Variants in SLC25A21 observed in about 807,000 individuals in gnomAD.
SLC25A21 encodes the protein mitochondrial 2-oxodicarboxylate carrier.
Under a neutral mutation model 43.8 loss-of-function variants are expected in SLC25A21, and 47 were observed. The observed-to-expected ratio is 1.07, with a 90% confidence interval of 0.85 to 1.37. The LOEUF is 1.37. SLC25A21 is among the 40% of genes most tolerant of loss of function. The pLI, the probability that SLC25A21 is intolerant of heterozygous loss-of-function variation, is 0.00. For synonymous variants in SLC25A21, 131 were observed against 121.3 expected (o/e 1.08, Z -0.52); for missense variants, 352 against 350.2 (o/e 1.00, Z -0.04).
intron 2 of SLC25A21, among the ~76,000 whole-genome samples, chr14:36,872,219 T>C (rs1340204299): frequency 6.6e-6 from 1 of 152,208 alleles, no homozygotes; most frequent in African/African-American, 2.4e-5. Flanking sequence ...ATATCTCATG[T>C]GCTGGAGTAT....
chr14:36,679,312 C>G lies in SLC25A21; in HGVS notation c.*1346G>C. 1.0e-6 allele frequency: 1 copy of G among 973,614 alleles called. No individual in the cohort carries two copies. Among genetic ancestry groups the G allele is most frequent in the Non-Finnish European group, 1.2e-6 (1 of 819,392 alleles). 60.3% of individuals were successfully genotyped at this position (973,614 alleles called of 1,614,324 possible). On this transcript the variant is annotated 3_prime_UTR_variant, in exon 10 of 10. Transcript: ENST00000331299. ...GTATGTATATACAGTATGTCAAAAG[C>G]CTTTTATTTTTATACTTCAAATGCT...
chr14:37,026,218 A>G (rs1281823077), intron 1 of SLC25A21, among the ~76,000 whole-genome samples: 1 of 152,174 alleles, frequency 6.6e-6, no homozygotes, highest in East Asian at 1.9e-4. Flanking sequence ...GTTTTTCTAC[A>G]TATCATTAGT....
At chr14:36,785,557 A>T (rs769806403) in intron 3 of SLC25A21, among the ~76,000 whole-genome samples, 1 of 152,222 alleles carries the variant, frequency 6.6e-6, no homozygotes. Context: ...ACTGAAATAC[A>T]AATTATTATT....
At chr14:36,907,314 A>G (rs1891561070) in intron 1 of SLC25A21, among the ~76,000 whole-genome samples, 1 of 152,158 alleles carries the variant, frequency 6.6e-6, no homozygotes, top group Non-Finnish European at 1.5e-5. Flanking sequence ...AGAGGCTATG[A>G]AGTAAAGAGC....
chr14:36,736,697 C>T (rs1885056341), intron 3 of SLC25A21, among the ~76,000 whole-genome samples: 1 of 152,022 alleles, frequency 6.6e-6, no homozygotes, highest in African/African-American at 2.4e-5. Context: ...AACAGAGGAA[C>T]TTGAAATCCC....
intron 3 of SLC25A21, among the ~76,000 whole-genome samples, chr14:36,780,146 AGT>A (rs1887000511): frequency 6.6e-6 from 1 of 151,838 alleles, no homozygotes; most frequent in African/African-American, 2.4e-5. Flanking sequence ...TGTTTATAGT[AGT>A]CTCTTATGAT....
chr14:37,172,200 A>G, intron 1 of SLC25A21, 81 bp downstream of exon 1: 1 of 1,383,790 alleles, frequency 7.2e-7, no homozygotes, highest in Non-Finnish European at 9.9e-7. Context: ...TTCAGTAAGG[A>G]GACCTGTCTG....
At chr14:37,069,335 C>T (rs8015879) in intron 1 of SLC25A21, among the ~76,000 whole-genome samples, 8 of 152,162 alleles carry the variant, frequency 5.3e-5, no homozygotes, top group Non-Finnish European at 1.0e-4. Flanking sequence ...GAGAGTATAA[C>T]ATGGTTGTGA....
At chr14:36,852,804 G>A (rs1269398608) in intron 2 of SLC25A21, among the ~76,000 whole-genome samples, 1 of 151,844 alleles carries the variant, frequency 6.6e-6, no homozygotes, top group Non-Finnish European at 1.5e-5. Flanking sequence ...ACACACAGCT[G>A]ACCATATTTA....
chr14:36,821,533 C>G (rs1888633578), intron 2 of SLC25A21, among the ~76,000 whole-genome samples: 2 of 152,092 alleles, frequency 1.3e-5, no homozygotes, highest in Non-Finnish European at 2.9e-5. Flanking sequence ...ATAATCTACA[C>G]TGGCTGGGTG....
intron 1 of SLC25A21, among the ~76,000 whole-genome samples, chr14:37,112,184 C>G (rs1963031460): frequency 6.6e-6 from 1 of 152,022 alleles, no homozygotes; most frequent in South Asian, 2.1e-4. Context: ...GGTGATAGGG[C>G]AATACATTCC....
chr14:36,976,007 T>C (rs574970687), intron 1 of SLC25A21, among the ~76,000 whole-genome samples: 5 of 152,148 alleles, frequency 3.3e-5, no homozygotes, highest in Non-Finnish European at 5.9e-5. Flanking sequence ...ACCTCAGACA[T>C]GGGAATTTTT....
chr14:36,878,552 A>G (rs532083251), intron 1 of SLC25A21, among the ~76,000 whole-genome samples: 1 of 152,298 alleles, frequency 6.6e-6, no homozygotes, highest in Non-Finnish European at 1.5e-5. Context: ...TATAAATAGA[A>G]TCAGATTAAT....
At chr14:36,866,839 A>G (rs1890227035) in intron 2 of SLC25A21, among the ~76,000 whole-genome samples, 1 of 152,202 alleles carries the variant, frequency 6.6e-6, no homozygotes, top group Non-Finnish European at 1.5e-5. Flanking sequence ...ATGAAAAACA[A>G]AAGAATGGAA....
intron 3 of SLC25A21, among the ~76,000 whole-genome samples, chr14:36,782,258 G>C (rs2138380690): frequency 6.6e-6 from 1 of 152,212 alleles, no homozygotes. Context: ...CCCATACCTG[G>C]ATATCCACAT....
chr14:36,884,439 A>C (rs1890856027), intron 1 of SLC25A21, among the ~76,000 whole-genome samples: 1 of 152,166 alleles, frequency 6.6e-6, no homozygotes, highest in South Asian at 2.1e-4. Flanking sequence ...TTAACATGGG[A>C]GTGCAGTTAT....
intron 1 of SLC25A21, among the ~76,000 whole-genome samples, chr14:37,025,103 T>C (rs1961065719): frequency 6.6e-6 from 1 of 152,014 alleles, no homozygotes; most frequent in Non-Finnish European, 1.5e-5. Flanking sequence ...TAATGACAAC[T>C]TACAATCAGA....
At chr14:36,881,727 G>T (rs1294363291) in intron 1 of SLC25A21, among the ~76,000 whole-genome samples, 1 of 152,118 alleles carries the variant, frequency 6.6e-6, no homozygotes, top group Non-Finnish European at 1.5e-5. Flanking sequence ...CAAAAATGTA[G>T]AATGCTGATG....
At chr14:36,897,700 A>T (rs1462246036) in intron 1 of SLC25A21, among the ~76,000 whole-genome samples, 1 of 152,184 alleles carries the variant, frequency 6.6e-6, no homozygotes, top group Non-Finnish European at 1.5e-5. Flanking sequence ...GGTGACGTAC[A>T]GATGGGGTTT....
Sources: allele counts gnomAD v4.1 joint callset (sites outside exome capture counted in the v4.1 genomes callset), GRCh38; gene constraint gnomAD v4.1.1; transcripts MANE v1.5; gene names NCBI Gene and HGNC (gene_info 2026-07-23, HGNC 2026-07-21).